Variants in RNLS observed in about 807,000 individuals in gnomAD.
The protein encoded by RNLS is renalase, FAD dependent amine oxidase, also known as renalase.
A neutral mutation model predicts 39.8 loss-of-function variants in RNLS; 39 were observed. The observed-to-expected ratio is 0.98, with a 90% confidence interval of 0.76 to 1.28. RNLS has a LOEUF of 1.28. Among genes scored for constraint, RNLS ranks in the 50% most tolerant of loss-of-function variants. The probability of loss-of-function intolerance (pLI) is 0.00; values close to 1 mark genes in which losing one functional copy is unlikely to be tolerated. For synonymous variants in RNLS, 147 were observed against 150.7 expected, an observed-to-expected ratio of 0.98 and a Z score of 0.18; for missense variants, 410 against 413.3, an observed-to-expected ratio of 0.99 and a Z score of 0.07.
chr10:88,209,335 A>G, the RNLS span, among the ~76,000 whole-genome samples: 1 of 152,152 alleles, frequency 6.6e-6, no homozygotes, highest in African/African-American at 2.4e-5. Context: ...CCCTAAATCC[A>G]TTATGACTGG....
chr10:88,203,897 C>T, the RNLS span, among the ~76,000 whole-genome samples: 1 of 151,848 alleles, frequency 6.6e-6, no homozygotes, highest in Non-Finnish European at 1.5e-5. Flanking sequence ...TAAAGTAATA[C>T]TAGCTGGATA....
intron 4 of RNLS, among the ~76,000 whole-genome samples, chr10:88,476,523 C>T (rs1843831291): frequency 6.6e-6 from 1 of 152,098 alleles, no homozygotes; most frequent in African/African-American, 2.4e-5. Context: ...AAAAGCTTTT[C>T]CCTCTAAAAA....
chr10:88,528,272 A>T (rs527612221), intron 4 of RNLS, among the ~76,000 whole-genome samples: 24 of 152,336 alleles, frequency 1.6e-4, no homozygotes, highest in African/African-American at 5.8e-4. Flanking sequence ...ACAACAAATC[A>T]GTATCTTTAG....
chr10:88,180,049 G>A, the RNLS span, among the ~76,000 whole-genome samples: 3 of 152,186 alleles, frequency 2.0e-5, no homozygotes, highest in East Asian at 1.9e-4. Context: ...ATGTTCTTAC[G>A]GAAACCACAC....
chr10:88,412,871 C>G (rs918720412), intron 4 of RNLS, among the ~76,000 whole-genome samples: 3 of 152,162 alleles, frequency 2.0e-5, no homozygotes, highest in Non-Finnish European at 4.4e-5. Flanking sequence ...AGCAGATGCT[C>G]CCTAAATATT....
intron 6 of RNLS, among the ~76,000 whole-genome samples, chr10:88,297,011 T>G (rs1844141542): frequency 6.6e-6 from 1 of 152,172 alleles, no homozygotes; most frequent in Admixed American, 6.6e-5. Context: ...AGTTTTTCAT[T>G]TATGGATGTG....
intron 4 of RNLS, among the ~76,000 whole-genome samples, chr10:88,461,478 G>A (rs1015413845): frequency 6.6e-6 from 1 of 152,092 alleles, no homozygotes; most frequent in African/African-American, 2.4e-5. Context: ...CAGGCTGAAC[G>A]TTTCTATCCT....
At chr10:88,208,125 AC>A in the RNLS span, among the ~76,000 whole-genome samples, 1 of 151,872 alleles carries the variant, frequency 6.6e-6, no homozygotes. Flanking sequence ...GAATTGTACC[AC>A]CCTTCCTCAT....
the RNLS span, among the ~76,000 whole-genome samples, chr10:88,247,923 C>T: frequency 2.6e-5 from 4 of 152,216 alleles, no homozygotes; most frequent in African/African-American, 9.7e-5. Context: ...CAGGCAGCCT[C>T]TAGTTGCTGG....
intron 6 of RNLS, among the ~76,000 whole-genome samples, chr10:88,278,356 GGT>G (rs1218113425): frequency 6.6e-6 from 1 of 152,048 alleles, no homozygotes; most frequent in Non-Finnish European, 1.5e-5. Flanking sequence ...TAAAATATAT[GGT>G]GCAAGTTTGA....
chr10:88,421,694 G>A (rs1045852530), intron 4 of RNLS, among the ~76,000 whole-genome samples: 7 of 152,082 alleles, frequency 4.6e-5, no homozygotes, highest in Non-Finnish European at 1.0e-4. Context: ...AACCTCCGAT[G>A]GCTGTCTTAT....
At chr10:88,546,247 A>G (rs112836031) in intron 4 of RNLS, among the ~76,000 whole-genome samples, 6 of 152,184 alleles carry the variant, frequency 3.9e-5, no homozygotes, top group African/African-American at 1.4e-4. Context: ...ATAAATATAT[A>G]TAGCTCCATA....
intron 4 of RNLS, among the ~76,000 whole-genome samples, chr10:88,524,956 C>CACACATATAT (rs768939981): frequency 4.6e-4 from 35 of 76,236 alleles, no homozygotes; most frequent in East Asian, 2.3e-3. Context: ...ATGGCACACA[C>CACACATATAT]ATACATATAT....
intron 5 of RNLS, among the ~76,000 whole-genome samples, chr10:88,335,207 T>C (rs1317505953): frequency 2.0e-5 from 3 of 151,852 alleles, no homozygotes. Flanking sequence ...TTGAGCTTTC[T>C]TTTCTTTTAC....
chr10:88,210,774 C>A, the RNLS span, among the ~76,000 whole-genome samples: 25,841 of 151,992 alleles, frequency 0.17, 2,359 homozygotes, highest in African/African-American at 0.22. Flanking sequence ...CTTCATTGTT[C>A]TGCGTCCTAA....
At chr10:88,317,113 T>A (rs1845819807) in intron 5 of RNLS, among the ~76,000 whole-genome samples, 1 of 152,230 alleles carries the variant, frequency 6.6e-6, no homozygotes, top group Admixed American at 6.5e-5. Context: ...GAATATCACC[T>A]AGCTTTTGGC....
the RNLS span, among the ~76,000 whole-genome samples, chr10:88,232,091 G>C: frequency 6.6e-6 from 1 of 152,182 alleles, no homozygotes; most frequent in Non-Finnish European, 1.5e-5. Flanking sequence ...AGTTTAGGAG[G>C]GGAAAGTTCA....
intron 5 of RNLS, among the ~76,000 whole-genome samples, chr10:88,315,774 C>A (rs1845717642): frequency 6.8e-6 from 1 of 147,886 alleles, no homozygotes; most frequent in Non-Finnish European, 1.5e-5. Flanking sequence ...AGTTAGTAGC[C>A]ACCACTTTTT....
intron 4 of RNLS, among the ~76,000 whole-genome samples, chr10:88,523,349 C>G (rs1261390463): frequency 6.6e-6 from 1 of 152,134 alleles, no homozygotes; most frequent in Non-Finnish European, 1.5e-5. Context: ...AAAGGACACT[C>G]TACTTTCTAT....
Sources: gnomAD v4.1 joint callset for allele counts (sites outside exome capture counted in the v4.1 genomes callset) on GRCh38, gnomAD v4.1.1 for gene constraint, MANE v1.5 for transcripts, NCBI Gene and HGNC (gene_info 2026-07-23, HGNC 2026-07-21) for gene names.